STRBP: variants seen among roughly 807,000 people sequenced by gnomAD.
STRBP encodes the protein spermatid perinuclear RNA binding protein.
A neutral mutation model predicts 80.1 loss-of-function variants in STRBP; 13 were observed. The observed-to-expected ratio is 0.16, with a 90% CI of 0.11 to 0.26. The LOEUF (loss-of-function observed/expected upper bound fraction) is 0.26. Among genes scored for constraint, STRBP ranks in the 10% least tolerant of loss-of-function variants. The pLI, the probability that STRBP is intolerant of heterozygous loss-of-function variation, is 1.00. For missense variants in STRBP, 485 were observed against 815.2 expected (o/e 0.59, Z 4.93); for synonymous variants, 284 against 291.2 (o/e 0.98, Z 0.25).
intron 2 of STRBP, among the ~76,000 whole-genome samples, chr9:123,234,682 G>C (rs1043607643): frequency 6.6e-6 from 1 of 152,218 alleles, no homozygotes; most frequent in East Asian, 1.9e-4. Flanking sequence ...TGTTCAGGCC[G>C]AGCGAGGTGG....
chr9:123,229,889 A>G (rs1436622664), intron 2 of STRBP, among the ~76,000 whole-genome samples: 1 of 152,226 alleles, frequency 6.6e-6, no homozygotes, highest in African/African-American at 2.4e-5. Context: ...GTTCAAGGTT[A>G]TGAATTTTAA....
At chr9:123,186,236 T>C (rs2038693627) in intron 2 of STRBP, among the ~76,000 whole-genome samples, 1 of 152,148 alleles carries the variant, frequency 6.6e-6, no homozygotes, top group African/African-American at 2.4e-5. Flanking sequence ...TAGTCCCAGC[T>C]GCTCAGGAGG....
In STRBP at chr9:123,124,744, TG is replaced by T. The variant is rs1030719930; in HGVS notation, c.*852del. 1 of 985,304 alleles carries T rather than the reference TG, an allele frequency of 1.0e-6. No homozygotes were observed. Among genetic ancestry groups the T allele is most frequent in the Non-Finnish European group, 1.2e-6 (1 of 829,920 alleles). The allele number at this position is 985,304 out of a possible 1,614,324, so 61.0% of individuals were successfully genotyped here. A position where few individuals can be genotyped will look rare whatever the true frequency, so the allele number is the denominator to read the frequency against. On this transcript the variant is annotated 3_prime_UTR_variant, in exon 19 of 19. Coordinates refer to ENST00000348403, the MANE Select transcript of STRBP (RefSeq NM_018387.5). ...GATTAATTTATTATTTTTAAAAACT[TG>T]GAAATTCATAAACTAGGATAATCAC...
chr9:123,267,935 A>T (rs1219494693), intron 1 of STRBP, among the ~76,000 whole-genome samples: 2 of 135,362 alleles, frequency 1.5e-5, no homozygotes, highest in Non-Finnish European at 3.1e-5. Flanking sequence ...GGGCCCCCCA[A>T]ACCTGCCTGA....
chr9:123,236,992 G>C (rs2040581795), intron 1 of STRBP, 26 bp from the exon 2 acceptor site: 1 of 152,258 alleles, frequency 6.6e-6, no homozygotes, highest in African/African-American at 2.4e-5. Context: ...AAATTAGCTG[G>C]GCGTGGTGGC....
At chr9:123,109,838 T>G (rs531374326) in intron 3 of STRBP, 2 of 152,324 alleles carry the variant, frequency 1.3e-5, no homozygotes, top group East Asian at 1.9e-4. Flanking sequence ...TTTCCAGTGT[T>G]TTTAAACATA....
At chr9:123,267,371 C>T (rs2041292302) in intron 1 of STRBP, among the ~76,000 whole-genome samples, 1 of 151,990 alleles carries the variant, frequency 6.6e-6, no homozygotes, top group Non-Finnish European at 1.5e-5. Context: ...CACCCTTCTC[C>T]TACTGTCCCC....
intron 2 of STRBP, among the ~76,000 whole-genome samples, chr9:123,225,805 A>C (rs1373129013): frequency 6.6e-6 from 1 of 152,100 alleles, no homozygotes; most frequent in Non-Finnish European, 1.5e-5. Context: ...CCTTTCCCAG[A>C]CTCAATTTCT....
At chr9:123,207,261 G>A (rs2039550832) in intron 2 of STRBP, among the ~76,000 whole-genome samples, 1 of 152,134 alleles carries the variant, frequency 6.6e-6, no homozygotes, top group African/African-American at 2.4e-5. Context: ...CTGATTTTGT[G>A]CATTATCACA....
intron 2 of STRBP, among the ~76,000 whole-genome samples, chr9:123,199,389 T>C (rs2039226998): frequency 1.3e-5 from 2 of 152,240 alleles, no homozygotes; most frequent in South Asian, 4.1e-4. Flanking sequence ...ACACGAATTT[T>C]AGGATTGTTT....
intron 2 of STRBP, among the ~76,000 whole-genome samples, chr9:123,200,354 C>A (rs1317713275): frequency 6.6e-6 from 1 of 152,118 alleles, no homozygotes; most frequent in African/African-American, 2.4e-5. Context: ...CTATGTTCAT[C>A]ACAAAAATTG....
chr9:123,233,948 A>T (rs541291778), intron 2 of STRBP, among the ~76,000 whole-genome samples: 149 of 152,242 alleles, frequency 9.8e-4, no homozygotes, highest in Middle Eastern at 6.8e-3. Flanking sequence ...CGCCTGTAAT[A>T]CCAGCACTTT....
chr9:123,131,304 A>C (rs1266114656), intron 17 of STRBP, among the ~76,000 whole-genome samples: 1 of 152,218 alleles, frequency 6.6e-6, no homozygotes, highest in Non-Finnish European at 1.5e-5. Context: ...CACTGTGCTT[A>C]GGGTTCTAAG....
At chr9:123,202,131 G>A (rs1372547846) in intron 2 of STRBP, among the ~76,000 whole-genome samples, 1 of 152,136 alleles carries the variant, frequency 6.6e-6, no homozygotes, top group Non-Finnish European at 1.5e-5. Flanking sequence ...TGTTAGGTGA[G>A]TTTCTTGAAG....
At chr9:123,183,119 G>A (rs1190669651) in intron 3 of STRBP, among the ~76,000 whole-genome samples, 1 of 151,644 alleles carries the variant, frequency 6.6e-6, no homozygotes, top group Non-Finnish European at 1.5e-5. Flanking sequence ...AATATTTTCT[G>A]CTTTTTCTCT....
intron 11 of STRBP, 143 bp from the exon 12 acceptor site, chr9:123,148,013 C>A: frequency 3.0e-6 from 2 of 665,526 alleles, no homozygotes; most frequent in Non-Finnish European, 4.7e-6. Flanking sequence ...GTTAAATTAC[C>A]ATTATTTATA....
rs201739748 is a variant in STRBP, at chr9:123,122,441, A to T, written c.*3156T>A. The T allele has an allele frequency of 9.3e-4, 2 of 2,148 alleles. No homozygotes were observed. Among genetic ancestry groups the T allele is most frequent in the African/African-American group, 1.6e-3 (1 of 614 alleles). 0.1% of individuals were successfully genotyped at this position (2,148 alleles called of 1,614,324 possible). A position where few individuals can be genotyped will look rare whatever the true frequency, so the allele number is the denominator to read the frequency against. On this transcript the variant is annotated 3_prime_UTR_variant, in exon 19 of 19. Transcript: ENST00000348403. Reference sequence around the variant, plus strand: ...GATTTTCAAACATTCACCCAAAATTAAAAAAAAAAAAAAAAAGAAAAGGCC... The same window carrying T: ...GATTTTCAAACATTCACCCAAAATTTAAAAAAAAAAAAAAAAGAAAAGGCC...
intron 2 of STRBP, among the ~76,000 whole-genome samples, chr9:123,186,588 T>C (rs2038707062): frequency 6.6e-6 from 1 of 152,168 alleles, no homozygotes; most frequent in Non-Finnish European, 1.5e-5. Context: ...CTGTATGTTC[T>C]ATTGGTGCTA....
chr9:123,172,481 A>G (rs910606579), intron 5 of STRBP, among the ~76,000 whole-genome samples: 1 of 152,224 alleles, frequency 6.6e-6, no homozygotes, highest in Non-Finnish European at 1.5e-5. Flanking sequence ...AATGATCACA[A>G]AAGGATTTTT....
Sources: allele counts gnomAD v4.1 joint callset (sites outside exome capture counted in the v4.1 genomes callset), GRCh38; gene constraint gnomAD v4.1.1; transcripts MANE v1.5; gene names NCBI Gene and HGNC (gene_info 2026-07-23, HGNC 2026-07-21).